Variants in MYO1B observed in about 807,000 individuals in gnomAD.
The protein encoded by MYO1B is unconventional myosin-Ib.
A neutral mutation model predicts 159.7 loss-of-function variants in MYO1B; 72 were observed. That is an observed-to-expected ratio of 0.45 (90% CI 0.37 to 0.55). MYO1B has a LOEUF of 0.55. Among genes scored for constraint, MYO1B ranks in the 20% least tolerant of loss-of-function variants. The probability of loss-of-function intolerance (pLI) is 0.00; values close to 1 mark genes in which losing one functional copy is unlikely to be tolerated. For synonymous variants in MYO1B, 468 were observed against 473.8 expected (o/e 0.99, Z 0.16); for missense variants, 1,062 against 1,364.8 (o/e 0.78, Z 3.50).
chr2:191,399,759 T>C (rs1696490349), intron 21 of MYO1B, among the ~76,000 whole-genome samples: 1 of 43,502 alleles, frequency 2.3e-5, no homozygotes, highest in Admixed American at 2.1e-4. Context: ...AATCTGAACA[T>C]GTAGAGTAAG....
chr2:191,246,238 A>C (rs1685784810), intron 1 of MYO1B: 1 of 152,178 alleles, frequency 6.6e-6, no homozygotes, highest in Non-Finnish European at 1.5e-5. Context: ...TCACGGTCCC[A>C]GAGAGGGAAG....
At chr2:191,384,117 G>A (rs1376186104) in intron 15 of MYO1B, among the ~76,000 whole-genome samples, 1 of 152,190 alleles carries the variant, frequency 6.6e-6, no homozygotes, top group Non-Finnish European at 1.5e-5. Flanking sequence ...TTTCGAGTAA[G>A]CTTTCTGAGT....
chr2:191,352,081 T>C (rs776648216), intron 7 of MYO1B, among the ~76,000 whole-genome samples: 4 of 152,202 alleles, frequency 2.6e-5, no homozygotes, highest in Non-Finnish European at 5.9e-5. Context: ...ACACAAAATA[T>C]GGGAGTAAAA....
chr2:191,330,174 C>T (rs1691375041), intron 4 of MYO1B, 145 bp downstream of exon 4: 1 of 606,118 alleles, frequency 1.6e-6, no homozygotes, highest in African/African-American at 1.9e-5. Context: ...GTTAGGAACA[C>T]AGAATGTTCT....
chr2:191,350,105 A>C, intron 6 of MYO1B, 57 bp from the exon 7 acceptor site: 1 of 1,381,820 alleles, frequency 7.2e-7, no homozygotes, highest in Non-Finnish European at 1.0e-6. Context: ...TCTAAGAAGT[A>C]CACTGAGTTA....
At chr2:191,265,847 G>A (rs1319397583) in intron 1 of MYO1B, among the ~76,000 whole-genome samples, 1 of 152,134 alleles carries the variant, frequency 6.6e-6, no homozygotes, top group Non-Finnish European at 1.5e-5. Flanking sequence ...TCAGACGTTA[G>A]CTCATTAATT....
intron 21 of MYO1B, 80 bp downstream of exon 21, chr2:191,396,577 G>A: frequency 1.5e-6 from 2 of 1,353,590 alleles, no homozygotes; most frequent in Non-Finnish European, 2.1e-6. Context: ...GGGTCACCCT[G>A]CAGAGGAGGG....
Position 191,371,299 on chromosome 2 carries a change from A to G in MYO1B, c.1185+1007A>G, listed in dbSNP as rs373771267. Among the ~76,000 whole-genome samples, 7 of 152,234 alleles carry G rather than the reference A, an allele frequency of 4.6e-5. No homozygotes were observed. The South Asian group carries it at 1.4e-3, about 32-fold the overall frequency. Reference sequence around the variant, plus strand: ...AATTAGGGTCACAGAATCTCAGAAAAAAAACATCAGATCATTCCTTTCACC... The same window carrying G: ...AATTAGGGTCACAGAATCTCAGAAAGAAAACATCAGATCATTCCTTTCACC... On this transcript the variant is annotated intron_variant, in intron 13 of 30. Transcript: ENST00000392318.
intron 1 of MYO1B, among the ~76,000 whole-genome samples, chr2:191,271,197 A>G (rs555199940): frequency 6.6e-6 from 1 of 152,272 alleles, no homozygotes; most frequent in African/African-American, 2.4e-5. Context: ...GATAAAACAC[A>G]CTTGTTACTA....
chr2:191,409,246 A>C, intron 26 of MYO1B, 68 bp downstream of exon 26: 2 of 1,492,534 alleles, frequency 1.3e-6, no homozygotes, highest in Non-Finnish European at 1.8e-6. Context: ...AAAACACATA[A>C]AATCAAAACT....
At chr2:191,389,631 C>T (rs1695620540) in intron 17 of MYO1B, among the ~76,000 whole-genome samples, 1 of 152,210 alleles carries the variant, frequency 6.6e-6, no homozygotes, top group Admixed American at 6.5e-5. Context: ...AGTTGCTCAC[C>T]TGGCCACATC....
intron 3 of MYO1B, among the ~76,000 whole-genome samples, chr2:191,301,925 C>T (rs1258268750): frequency 6.6e-6 from 1 of 152,214 alleles, no homozygotes; most frequent in Non-Finnish European, 1.5e-5. Context: ...CCTTCATGGG[C>T]TCCCTATTAC....
rs1000992896 is a variant in MYO1B, at chr2:191,284,432, C to T, written c.135+7402C>T. Among the ~76,000 whole-genome samples, 3 of 152,284 alleles carry T rather than the reference C, an allele frequency of 2.0e-5. No homozygotes were observed. The East Asian group carries it at 5.8e-4, about 29-fold the overall frequency. On this transcript the variant is annotated intron_variant, in intron 2 of 30. Transcript: ENST00000392318. ...TTTGAACCTTGGTGACTTACAGTCA[C>T]TGTGACCACTGTAAGGAATAGAGGT...
chr2:191,332,690 C>G (rs536141517), intron 4 of MYO1B, among the ~76,000 whole-genome samples: 2 of 152,264 alleles, frequency 1.3e-5, no homozygotes, highest in Admixed American at 6.5e-5. Flanking sequence ...AAGCAATTTG[C>G]CAAAACTTAT....
intron 4 of MYO1B, among the ~76,000 whole-genome samples, chr2:191,341,185 A>G (rs532965790): frequency 1.3e-5 from 2 of 152,290 alleles, no homozygotes; most frequent in South Asian, 2.1e-4. Context: ...CTTTAAGAAG[A>G]TAATTCTGAT....
chr2:191,249,903 A>G (rs931092432), intron 1 of MYO1B, among the ~76,000 whole-genome samples: 70 of 152,356 alleles, frequency 4.6e-4, no homozygotes, highest in South Asian at 2.1e-4. Flanking sequence ...AAACTCTAAC[A>G]GGTGAGCACC....
intron 10 of MYO1B, 136 bp from the exon 11 acceptor site, chr2:191,364,022 A>T: frequency 7.9e-7 from 1 of 1,268,560 alleles, no homozygotes; most frequent in Non-Finnish European, 1.1e-6. Flanking sequence ...ACTGTGGCTA[A>T]GCTTTGTTTT....
rs73981574 is a variant in MYO1B, at chr2:191,348,055, A to G, written c.498+1773A>G. On this transcript the variant is annotated intron_variant, in intron 6 of 30. Coordinates refer to ENST00000392318, the MANE Select transcript of MYO1B (RefSeq NM_001130158.3). The stretch of plus-strand genomic sequence containing the variant: ...CACCACAGCAGCTGTAGTTTGACAT[A>G]TTGAGCTACGAGTTATTTCTGAGTG... Among the ~76,000 whole-genome samples, 842 of 152,304 alleles carry G rather than the reference A, an allele frequency of 5.5e-3. 7 individuals are homozygous for G. Among genetic ancestry groups the G allele is most frequent in the African/African-American group, 0.019 (805 of 41,568 alleles).
At chr2:191,267,851 GTGTCATCGAGGCTCTCT>G (rs1404969008) in intron 1 of MYO1B, among the ~76,000 whole-genome samples, 1 of 152,250 alleles carries the variant, frequency 6.6e-6, no homozygotes, top group African/African-American at 2.4e-5. Flanking sequence ...CATTCCTGGT[GTGTCATCGAGGCTCTCT>G]GATGGTCCTT....
Sources: allele counts gnomAD v4.1 joint callset (sites outside exome capture counted in the v4.1 genomes callset), GRCh38; gene constraint gnomAD v4.1.1; transcripts MANE v1.5; gene names NCBI Gene and HGNC (gene_info 2026-07-23, HGNC 2026-07-21).